Variants in STON1 observed in about 807,000 individuals in gnomAD.
STON1 encodes the protein stonin-1.
A neutral mutation model predicts 60.9 loss-of-function variants in STON1; 79 were observed. The ratio of observed to expected loss-of-function variants is 1.30; its 90% CI spans 1.08 to 1.56. The LOEUF (loss-of-function observed/expected upper bound fraction) is 1.56, where lower values mean the gene tolerates loss of function less well. Ranked by LOEUF, STON1 falls within the 40% of genes most tolerant of loss-of-function variation. The pLI is 0.00. For missense variants in STON1, 1,166 were observed against 858.9 expected, an observed-to-expected ratio of 1.36 and a Z score of -4.47; for synonymous variants, 363 against 306.9, an observed-to-expected ratio of 1.18 and a Z score of -1.91.
chr2:48,562,266 A>G (rs1672643804), intron 1 of STON1, among the ~76,000 whole-genome samples: 1 of 152,208 alleles, frequency 6.6e-6, no homozygotes, highest in South Asian at 2.1e-4. Flanking sequence ...CATTTTTCAA[A>G]TCAGAACACA....
At chr2:48,564,088 T>A (rs1165153182) in intron 1 of STON1, among the ~76,000 whole-genome samples, 1 of 152,186 alleles carries the variant, frequency 6.6e-6, no homozygotes, top group Non-Finnish European at 1.5e-5. Flanking sequence ...TGAAGAGACC[T>A]GTAAGCCCTT....
chr2:48,539,500 T>C lies in STON1; in HGVS notation c.-48+9284T>C, dbSNP rs138409303. Among the ~76,000 whole-genome samples the C allele has an allele frequency of 8.4e-4, 128 of 152,184 alleles. 1 individual carries two copies. The highest frequency in any genetic ancestry group is 1.0e-3 in the South Asian group (5 of 4,830). The stretch of plus-strand genomic sequence containing the variant: ...TTAACCCATGTGTGGTGTTATGATA[T>C]ATGTTTTCTTTTTTGAGATGGGATG... On this transcript the variant is annotated intron_variant, in intron 1 of 3. Coordinates refer to ENST00000404752, the MANE Select transcript of STON1 (RefSeq NM_006873.4).
chr2:48,581,356 C>T lies in STON1; in HGVS notation c.723C>T (p.Asn241=). 1 of 1,562,594 alleles carries T rather than the reference C, an allele frequency of 6.4e-7. No individual in the cohort carries two copies. The highest frequency in any genetic ancestry group is 8.7e-7 in the Non-Finnish European group (1 of 1,155,672). ...EKLEHLQSAE[N]QDSLRSLSMH... is the part of the protein sequence containing the mutation. ...TTGAACATCTCCAGTCAGCTGAGAACCAAGACTCACTTAGAAGTTTGTCTA... is the reference window on the plus strand; with the variant it reads ...TTGAACATCTCCAGTCAGCTGAGAATCAAGACTCACTTAGAAGTTTGTCTA... The change falls in exon 2 of 4, where the codon AAC becomes AAT. Residue 241 remains asparagine (N), a synonymous_variant. Coordinates refer to ENST00000404752, the MANE Select transcript of STON1 (RefSeq NM_006873.4).
intron 1 of STON1, among the ~76,000 whole-genome samples, chr2:48,566,039 C>T (rs1672926448): frequency 6.6e-6 from 1 of 152,172 alleles, no homozygotes; most frequent in African/African-American, 2.4e-5. Context: ...GTTCATATTA[C>T]TGTCAAAGAT....
chr2:48,577,667 G>T (rs1392477448), intron 1 of STON1, among the ~76,000 whole-genome samples: 1 of 151,586 alleles, frequency 6.6e-6, no homozygotes, highest in Admixed American at 6.6e-5. Context: ...CCAGGCTGGA[G>T]TGCAGTGGCA....
intron 1 of STON1, among the ~76,000 whole-genome samples, chr2:48,566,774 C>G (rs1413299776): frequency 2.0e-5 from 3 of 152,318 alleles, no homozygotes; most frequent in Non-Finnish European, 2.9e-5. Flanking sequence ...TTGAAACAAA[C>G]ATTGAATTCT....
Position 48,564,405 on chromosome 2 carries a change from G to GTCTTCTTCTTCTTCTTCT in STON1, c.-47-16123_-47-16106dup, listed in dbSNP as rs1241898892. 2.2e-4 allele frequency among the ~76,000 whole-genome samples: 18 copies of GTCTTCTTCTTCTTCTTCT among 83,028 alleles called. 1 individual carries two copies. The highest frequency in any genetic ancestry group is 3.8e-4 in the Admixed American group (3 of 7,910). 54.5% of individuals were successfully genotyped at this position (83,028 alleles called of 152,430 possible). ...TAGGTCCTCCAGTGGCAGTGGCGGTGTCTTCTTCTTCTTCTTCTTCTTCTT... is the reference window on the plus strand; with the variant it reads ...TAGGTCCTCCAGTGGCAGTGGCGGTGTCTTCTTCTTCTTCTTCTTCTTCTTCTTCTTCTTCTTCTTCTT... On this transcript the variant is annotated intron_variant, in intron 1 of 3. Coordinates refer to ENST00000404752, the MANE Select transcript of STON1 (RefSeq NM_006873.4).
chr2:48,572,139 G>A (rs926463449), intron 1 of STON1, among the ~76,000 whole-genome samples: 1 of 152,134 alleles, frequency 6.6e-6, no homozygotes, highest in African/African-American at 2.4e-5. Flanking sequence ...CTCCAGCCTG[G>A]GTGACAGAGG....
chr2:48,574,739 T>G (rs926002040), intron 1 of STON1, among the ~76,000 whole-genome samples: 1 of 152,158 alleles, frequency 6.6e-6, no homozygotes, highest in Non-Finnish European at 1.5e-5. Context: ...TCATTATAAA[T>G]TGGATTTTTA....
At chr2:48,549,503 T>C (rs918751439) in intron 1 of STON1, among the ~76,000 whole-genome samples, 14 of 151,904 alleles carry the variant, frequency 9.2e-5, no homozygotes, top group African/African-American at 3.4e-4. Context: ...AGGGTTCTGG[T>C]TTGTCAGTGG....
chr2:48,558,641 G>A (rs984366308), intron 1 of STON1, among the ~76,000 whole-genome samples: 2 of 152,082 alleles, frequency 1.3e-5, no homozygotes, highest in African/African-American at 4.8e-5. Context: ...TTACACTGGC[G>A]TTAACTGGCA....
intron 1 of STON1, among the ~76,000 whole-genome samples, chr2:48,569,386 G>T (rs973471524): frequency 6.6e-6 from 1 of 152,152 alleles, no homozygotes; most frequent in African/African-American, 2.4e-5. Flanking sequence ...AATGTATTAA[G>T]CTTTGTGTAT....
chr2:48,590,783 T>C (rs1572648948), intron 2 of STON1, among the ~76,000 whole-genome samples: 1 of 152,292 alleles, frequency 6.6e-6, no homozygotes, highest in Non-Finnish European at 1.5e-5. Context: ...AATATTAGAT[T>C]AAAATATTAA....
At chr2:48,584,187 A>T (rs1674066689) in intron 2 of STON1, among the ~76,000 whole-genome samples, 2 of 152,202 alleles carry the variant, frequency 1.3e-5, no homozygotes, top group African/African-American at 2.4e-5. Flanking sequence ...ATTTAAGCTC[A>T]TCTAGGCCCC....
At chr2:48,548,742 T>C (rs533711593) in intron 1 of STON1, among the ~76,000 whole-genome samples, 4 of 152,104 alleles carry the variant, frequency 2.6e-5, no homozygotes, top group Non-Finnish European at 5.9e-5. Flanking sequence ...TCAGGTGATC[T>C]GCCTGCCTCA....
chr2:48,582,375 C>T lies in STON1; in HGVS notation c.1742C>T (p.Ala581Val). Residue 581 changes from alanine (A) to valine (V), a missense_variant, in exon 2 of 4, where the codon GCC becomes GTC. Physicochemically the swap from Ala to Val is moderately conservative, Grantham distance 64. Coordinates refer to ENST00000404752, the MANE Select transcript of STON1 (RefSeq NM_006873.4). ...HFPVPSQWIK[A>V]LWTMNLQRQK... is the part of the protein sequence containing the mutation. ...CCTGTCCCATCGCAGTGGATCAAGG[C>T]CCTTTGGACCATGAACCTCCAGAGG... The T allele has an allele frequency of 6.2e-7, 1 of 1,614,108 alleles. No homozygotes were observed. Among genetic ancestry groups the T allele is most frequent in the Middle Eastern group, 1.6e-4 (1 of 6,062 alleles).
chr2:48,543,865 G>A (rs748674994), intron 1 of STON1, among the ~76,000 whole-genome samples: 1 of 152,122 alleles, frequency 6.6e-6, no homozygotes, highest in Non-Finnish European at 1.5e-5. Flanking sequence ...ACCCCAGAGA[G>A]ACTATGTAAC....
In STON1 at chr2:48,582,297, G is replaced by T. The variant is rs145919647; in HGVS notation, c.1664G>T (p.Arg555Met). Residue 555 changes from arginine to methionine, a missense_variant, in exon 2 of 4, where the codon AGG becomes ATG. Transcript: ENST00000404752. Reference sequence around the variant, plus strand: ...GTCAACATGGCCTCATTGGCGCAGAGGTCATCCTATGCTGGTTCCTTAAGG... The same window carrying T: ...GTCAACATGGCCTCATTGGCGCAGATGTCATCCTATGCTGGTTCCTTAAGG... ...AFVNMASLAQ[R>M]SSYAGSLRSC... The T allele has an allele frequency of 9.4e-5, 151 of 1,614,064 alleles. No homozygotes were observed. The highest frequency in any genetic ancestry group is 3.3e-4 in the Middle Eastern group (2 of 6,084).
intron 2 of STON1, among the ~76,000 whole-genome samples, chr2:48,588,438 C>T (rs1572645421): frequency 1.3e-5 from 2 of 152,180 alleles, no homozygotes; most frequent in African/African-American, 4.8e-5. Context: ...GCAACCTCTA[C>T]CTCCCAGGCT....
Sources: allele counts gnomAD v4.1 joint callset (sites outside exome capture counted in the v4.1 genomes callset), GRCh38; gene constraint gnomAD v4.1.1; transcripts MANE v1.5; gene names NCBI Gene and HGNC (gene_info 2026-07-23, HGNC 2026-07-21).